Variants in OR4D2 observed in about 807,000 individuals in gnomAD.
OR4D2 encodes olfactory receptor family 4 subfamily D member 2.
OR4D2 carries 9 observed loss-of-function variants against 12.4 expected under a neutral mutation model. That is an observed-to-expected ratio of 0.73 (90% CI 0.44 to 1.27). The LOEUF is 1.27. Among genes scored for constraint, OR4D2 ranks in the 50% most tolerant of loss-of-function variants. The pLI is 0.00. For missense variants in OR4D2, 373 were observed against 381.6 expected (o/e 0.98, Z 0.19); for synonymous variants, 151 against 151.1 (o/e 1.00, Z 0.01).
chr17:58,167,999 C>CAAAAAAAAAAAA (rs1165311786), intron 1 of OR4D2, among the ~76,000 whole-genome samples: 1 of 39,208 alleles, frequency 2.6e-5, no homozygotes, highest in African/African-American at 7.8e-5. Context: ...GACTCCGTCA[C>CAAAAAAAAAAAA]AAAAAAAAAA....
chr17:58,168,077 C>T (rs1967912163), intron 1 of OR4D2, among the ~76,000 whole-genome samples: 1 of 144,920 alleles, frequency 6.9e-6, no homozygotes, highest in African/African-American at 2.6e-5. Context: ...TTAGAATGAC[C>T]TATAATATTG....
At chr17:58,168,323 C>G (rs1967915580) in intron 1 of OR4D2, among the ~76,000 whole-genome samples, 1 of 152,114 alleles carries the variant, frequency 6.6e-6, no homozygotes, top group African/African-American at 2.4e-5. Context: ...CCTGCCTCAG[C>G]CTCCCAAGTA....
At chr17:58,169,490 C>T (rs773658470) in intron 1 of OR4D2, 148 bp from the exon 2 acceptor site, 31 of 642,750 alleles carry the variant, frequency 4.8e-5, no homozygotes, top group Admixed American at 3.2e-4. Context: ...CACTTGTAAA[C>T]GATCCAGAGA....
chr17:58,167,895 C>T (rs1158935945), intron 1 of OR4D2, among the ~76,000 whole-genome samples: 1 of 142,422 alleles, frequency 7.0e-6, no homozygotes, highest in Non-Finnish European at 1.5e-5. Context: ...TCCAGCTACG[C>T]GGGAGGCTGA....
chr17:58,170,681 C>G lies in OR4D2; in HGVS notation c.*102C>G, dbSNP rs1428393656. On this transcript the variant is annotated 3_prime_UTR_variant, in exon 2 of 2. Coordinates refer to ENST00000545221, the MANE Select transcript of OR4D2 (RefSeq NM_001004707.4). ...CTCTTCATAGTGTGTTGAGGTTCAT[C>G]ATAGCAGGGAATGAATTTTGAAACT... 5 of 883,736 alleles carry G rather than the reference C, an allele frequency of 5.7e-6. No individual in the cohort carries two copies. The highest frequency in any genetic ancestry group is 4.3e-5 in the Admixed American group (2 of 46,064). The allele number at this position is 883,736 out of a possible 1,614,324, so 54.7% of individuals were successfully genotyped here.
chr17:58,170,124 AT>A lies in OR4D2; in HGVS notation c.471del (p.Ile157MetfsTer6). Reference sequence around the variant, plus strand: ...CTGGGTGGGAGGCTTTGTCCACTCTATTGTCCAGCTGGCTCTGATGCTCCCA... The same window carrying A: ...CTGGGTGGGAGGCTTTGTCCACTCTATGTCCAGCTGGCTCTGATGCTCCCA... ...ATWVGGFVHS[I>X]VQLALMLPLP... On this transcript the variant is annotated frameshift_variant, in exon 2 of 2. Coordinates refer to ENST00000545221, the MANE Select transcript of OR4D2 (RefSeq NM_001004707.4). LOFTEE classifies it high-confidence loss of function. 6.2e-7 allele frequency: 1 copy of A among 1,613,828 alleles called. No homozygotes were observed. The highest frequency in any genetic ancestry group is 1.1e-5 in the South Asian group (1 of 91,064).
At position 58,169,702 on chromosome 17, in the gene OR4D2, G is replaced by C; in HGVS notation, c.47G>C (p.Gly16Ala). 1 of 1,614,040 alleles carries C rather than the reference G, an allele frequency of 6.2e-7. No homozygotes were observed. Among genetic ancestry groups the C allele is most frequent in the South Asian group, 1.1e-5 (1 of 91,074 alleles). ...TGGGTATCAGACTTTGTCTTCCTGG[G>C]GCTCTCGCAGACTCGGGAGCTCCAG... ...LTWVSDFVFL[G>A]LSQTRELQRF... The change falls in exon 2 of 2, where the codon GGG becomes GCG. Residue 16 changes from glycine to alanine, a missense_variant. By Grantham distance (60) the Gly-to-Ala change is moderately conservative (BLOSUM62 0). Coordinates refer to ENST00000545221, the MANE Select transcript of OR4D2 (RefSeq NM_001004707.4).
rs746416537 is a variant in OR4D2, at chr17:58,170,503, A to G, written c.848A>G (p.Asn283Ser). 13 of 1,614,104 alleles carry G rather than the reference A, an allele frequency of 8.1e-6. No individual in the cohort carries two copies. Among genetic ancestry groups the G allele is most frequent in the Non-Finnish European group, 1.1e-5 (13 of 1,180,004 alleles). ...IGHTVMTPML[N>S]PMIYTLRNQD... The stretch of plus-strand genomic sequence containing the variant: ...CACACAGTCATGACCCCCATGCTCA[A>G]CCCCATGATCTATACCCTGAGGAAC... The change falls in exon 2 of 2, where the codon AAC (asparagine) becomes AGC (serine). Residue 283 changes from asparagine to serine, a missense_variant. Coordinates refer to ENST00000545221, the MANE Select transcript of OR4D2 (RefSeq NM_001004707.4).
chr17:58,170,197 T>C lies in OR4D2; in HGVS notation c.542T>C (p.Val181Ala). 1.2e-6 allele frequency: 2 copies of C among 1,614,214 alleles called. No homozygotes were observed. Among genetic ancestry groups the C allele is most frequent in the Non-Finnish European group, 1.7e-6 (2 of 1,180,028 alleles). ...PNILDNFYCD[V>A]PQVLRLACTD... ...ATTTTGGATAACTTCTACTGTGATG[T>C]TCCCCAAGTACTGAGACTTGCCTGC... Residue 181 changes from valine to alanine, a missense_variant, in exon 2 of 2, where the codon GTT becomes GCT. Val to Ala is a moderately conservative substitution (Grantham distance 64). Coordinates refer to ENST00000545221, the MANE Select transcript of OR4D2 (RefSeq NM_001004707.4).
chr17:58,167,457 T>C (rs1361123478), intron 1 of OR4D2, among the ~76,000 whole-genome samples: 2 of 152,194 alleles, frequency 1.3e-5, no homozygotes, highest in Admixed American at 6.5e-5. Flanking sequence ...ATGAGTTCTT[T>C]GAACAGCAAT....
intron 1 of OR4D2, among the ~76,000 whole-genome samples, chr17:58,167,393 G>T (rs1020975855): frequency 3.9e-5 from 6 of 152,210 alleles, no homozygotes; most frequent in African/African-American, 1.4e-4. Context: ...TCAGGAAACA[G>T]GATTTATTAC....
At position 58,170,400 on chromosome 17, in the gene OR4D2, A is replaced by G. The variant is rs768629133; in HGVS notation, c.745A>G (p.Met249Val). The G allele has an allele frequency of 5.6e-6, 9 of 1,614,192 alleles. No individual in the cohort carries two copies. The highest frequency in any genetic ancestry group is 7.6e-6 in the Non-Finnish European group (9 of 1,180,034). ...CACCACCCACATCATCGTGGTTTCC[A>G]TGATCTTCGTTCCAAGCATTTACCT... Reference protein sequence around the residue: ...TCTTHIIVVSMIFVPSIYLYA... With the variant: ...TCTTHIIVVSVIFVPSIYLYA... Residue 249 changes from methionine (M) to valine (V), a missense_variant, in exon 2 of 2, where the codon ATG becomes GTG. By Grantham distance (21) the Met-to-Val change is conservative. Coordinates refer to ENST00000545221, the MANE Select transcript of OR4D2 (RefSeq NM_001004707.4).
rs1967956842 is a variant in OR4D2, at chr17:58,170,772, G to A, written c.*193G>A. 1 of 594,900 alleles carries A rather than the reference G, an allele frequency of 1.7e-6. No individual in the cohort carries two copies. 36.9% of individuals were successfully genotyped at this position (594,900 alleles called of 1,614,324 possible). A position where few individuals can be genotyped will look rare whatever the true frequency, so the allele number is the denominator to read the frequency against. On this transcript the variant is annotated 3_prime_UTR_variant, in exon 2 of 2. Coordinates refer to ENST00000545221, the MANE Select transcript of OR4D2 (RefSeq NM_001004707.4). Reference sequence around the variant, plus strand: ...TGGTGGTTAAGGTTTGTGATAAAGAGTTTTAACACACTCGCAACAATGAGA... The same window carrying A: ...TGGTGGTTAAGGTTTGTGATAAAGAATTTTAACACACTCGCAACAATGAGA...
Position 58,170,024 on chromosome 17 carries a change from C to G in OR4D2, c.369C>G (p.Leu123=). 6.2e-7 allele frequency: 1 copy of G among 1,614,158 alleles called. No individual in the cohort carries two copies. Among genetic ancestry groups the G allele is most frequent in the Non-Finnish European group, 8.5e-7 (1 of 1,180,034 alleles). ...FFLSVMAFDR[L]IAISRPLRYV... The stretch of plus-strand genomic sequence containing the variant: ...TCTCAGTGATGGCCTTTGACCGCCT[C>G]ATTGCCATCTCCCGGCCCCTCCGCT... Residue 123 remains leucine (L), a synonymous_variant, in exon 2 of 2, where the codon CTC becomes CTG. Transcript: ENST00000545221.
chr17:58,168,151 AG>A (rs897828473), intron 1 of OR4D2, among the ~76,000 whole-genome samples: 2 of 120,768 alleles, frequency 1.7e-5, no homozygotes, highest in South Asian at 2.6e-4. Flanking sequence ...GGGCAGGGGG[AG>A]GGGGGAGACC....
At chr17:58,169,507 A>G in intron 1 of OR4D2, 131 bp from the exon 2 acceptor site, 1 of 678,526 alleles carries the variant, frequency 1.5e-6, no homozygotes, top group Non-Finnish European at 2.6e-6. Context: ...GAGACAAGAC[A>G]GCACCTAGTA....
chr17:58,169,002 A>G (rs1470248760), intron 1 of OR4D2, among the ~76,000 whole-genome samples: 1 of 147,408 alleles, frequency 6.8e-6, no homozygotes, highest in Non-Finnish European at 1.5e-5. Context: ...AAATTGTGAG[A>G]TCCAGATATA....
At chr17:58,169,301 G>T in intron 1 of OR4D2, 1 of 263,184 alleles carries the variant, frequency 3.8e-6, no homozygotes, top group Non-Finnish European at 7.3e-6. Context: ...TGAAAACTGA[G>T]GCCCAGAAAG....
intron 1 of OR4D2, among the ~76,000 whole-genome samples, chr17:58,168,165 T>A (rs1455789060): frequency 1.3e-5 from 2 of 151,048 alleles, no homozygotes; most frequent in African/African-American, 4.9e-5. Flanking sequence ...GGGAGACCAC[T>A]GACCCCCTCC....
Sources: gnomAD v4.1 joint callset for allele counts (sites outside exome capture counted in the v4.1 genomes callset) on GRCh38, gnomAD v4.1.1 for gene constraint, MANE v1.5 for transcripts, NCBI Gene and HGNC (gene_info 2026-07-23, HGNC 2026-07-21) for gene names.